GLDC: variants seen among roughly 807,000 people sequenced by gnomAD.
The protein encoded by GLDC is glycine dehydrogenase (decarboxylating), mitochondrial.
A neutral mutation model predicts 121.3 loss-of-function variants in GLDC; 104 were observed. The observed-to-expected ratio is 0.86, with a 90% CI of 0.73 to 1.01. GLDC has a LOEUF of 1.01. Among genes scored for constraint, GLDC ranks in the 50% least tolerant of loss-of-function variants. The pLI is 0.00. For missense variants in GLDC, 1,429 were observed against 1,306.6 expected (o/e 1.09, Z -1.44); for synonymous variants, 546 against 480.6 (o/e 1.14, Z -1.78).
intron 24 of GLDC, among the ~76,000 whole-genome samples, chr9:6,534,409 T>A (rs748389900): frequency 3.3e-5 from 5 of 149,974 alleles, no homozygotes; most frequent in African/African-American, 1.3e-4. Context: ...GAAAGGAAGG[T>A]TGCACTGGGC....
intron 4 of GLDC, among the ~76,000 whole-genome samples, chr9:6,608,026 G>C (rs1207345023): frequency 1.3e-5 from 2 of 151,982 alleles, no homozygotes; most frequent in Non-Finnish European, 2.9e-5. Flanking sequence ...GGGGGGATGA[G>C]GCAAGAGGAT....
intron 10 of GLDC, 112 bp downstream of exon 10, chr9:6,592,739 G>C: frequency 1.0e-6 from 1 of 960,530 alleles, no homozygotes; most frequent in Non-Finnish European, 1.6e-6. Flanking sequence ...GAAAAAATAG[G>C]ACTGTGCCTA....
At chr9:6,585,796 T>A (rs997015437) in intron 15 of GLDC, among the ~76,000 whole-genome samples, 1 of 152,286 alleles carries the variant, frequency 6.6e-6, no homozygotes, top group African/African-American at 2.4e-5. Context: ...TAAACTCACA[T>A]ACCGATAACA....
Position 6,584,595 on chromosome 9 carries a change from C to G in GLDC, c.1850+2546G>C, listed in dbSNP as rs113104362. On this transcript the variant is annotated intron_variant, in intron 15 of 24. Transcript: ENST00000321612. ...TATGTGGTGTATCCCTTCCTTTTTTCTGCGAATTAAGACATCAAATTGCTT... is the reference window on the plus strand; with the variant it reads ...TATGTGGTGTATCCCTTCCTTTTTTGTGCGAATTAAGACATCAAATTGCTT... 7.6e-3 allele frequency among the ~76,000 whole-genome samples: 1,162 copies of G among 152,244 alleles called. 6 individuals are homozygous for G. The highest frequency in any genetic ancestry group is 0.017 in the Middle Eastern group (5 of 294).
intron 3 of GLDC, among the ~76,000 whole-genome samples, chr9:6,612,688 C>T (rs2129925579): frequency 6.6e-6 from 1 of 152,140 alleles, no homozygotes; most frequent in African/African-American, 2.4e-5. Flanking sequence ...ATGGTGAAAC[C>T]CCGTCTCTAC....
Position 6,558,703 on chromosome 9 carries a change from G to C in GLDC, c.1927-19C>G. ...GGCAAACCTACAGAATAGAAAGGAA[G>C]CAAAGAAAGAGCAAAATCATCATCA... On this transcript the variant is annotated intron_variant, in intron 16 of 24. Transcript: ENST00000321612. The C allele has an allele frequency of 6.2e-7, 1 of 1,614,086 alleles. No individual in the cohort carries two copies. The highest frequency in any genetic ancestry group is 8.5e-7 in the Non-Finnish European group (1 of 1,179,928).
intron 21 of GLDC, 57 bp downstream of exon 21, chr9:6,550,746 A>G: frequency 1.8e-6 from 2 of 1,091,116 alleles, no homozygotes; most frequent in Non-Finnish European, 2.8e-6. Flanking sequence ...ATCTAGGTCA[A>G]ACTTAGTTTG....
intron 2 of GLDC, among the ~76,000 whole-genome samples, chr9:6,620,640 C>T (rs146712324): frequency 1.2e-3 from 189 of 152,268 alleles, no homozygotes; most frequent in African/African-American, 4.4e-3. Flanking sequence ...TCTATTTCTG[C>T]TGTATATACG....
At chr9:6,571,114 G>A (rs1817957849) in intron 15 of GLDC, among the ~76,000 whole-genome samples, 1 of 151,664 alleles carries the variant, frequency 6.6e-6, no homozygotes. Context: ...ATAGACACAA[G>A]CAAGATTATT....
At chr9:6,623,453 C>T (rs900502047) in intron 2 of GLDC, among the ~76,000 whole-genome samples, 5 of 149,646 alleles carry the variant, frequency 3.3e-5, no homozygotes, top group Non-Finnish European at 3.0e-5. Flanking sequence ...TCCGTAATCT[C>T]AAGTACCCAG....
At chr9:6,618,021 T>C (rs956176782) in intron 3 of GLDC, among the ~76,000 whole-genome samples, 1 of 152,224 alleles carries the variant, frequency 6.6e-6, no homozygotes, top group African/African-American at 2.4e-5. Context: ...TCTGTCCTCA[T>C]GTCATGATGA....
chr9:6,629,939 A>ATG (rs1411576430), intron 2 of GLDC, among the ~76,000 whole-genome samples: 6 of 78,192 alleles, frequency 7.7e-5, no homozygotes, highest in Admixed American at 1.3e-4. Context: ...CTATATATAT[A>ATG]TATATGTATA....
At chr9:6,621,892 T>C (rs2129954614) in intron 2 of GLDC, among the ~76,000 whole-genome samples, 1 of 152,294 alleles carries the variant, frequency 6.6e-6, no homozygotes, top group South Asian at 2.1e-4. Flanking sequence ...TAGATCATGC[T>C]ACTAAAATTT....
Position 6,637,108 on chromosome 9 carries a change from C to T in GLDC, c.334+7506G>A, listed in dbSNP as rs181949785. 5.8e-4 allele frequency among the ~76,000 whole-genome samples: 87 copies of T among 150,278 alleles called. No individual in the cohort carries two copies. In the Middle Eastern group the frequency reaches 0.014, roughly 24 times the overall value. ...GTTTGTTTTTTTTTTTAAAAAAGTC[C>T]GGGCACAATGGCTCACGCCTGTAAT... On this transcript the variant is annotated intron_variant, in intron 2 of 24. Transcript: ENST00000321612.
At chr9:6,629,759 C>T (rs550501892) in intron 2 of GLDC, among the ~76,000 whole-genome samples, 2 of 150,486 alleles carry the variant, frequency 1.3e-5, no homozygotes, top group East Asian at 3.9e-4. Context: ...AATGCTATAC[C>T]TAAAGTTTTA....
intron 16 of GLDC, 94 bp from the exon 17 acceptor site, chr9:6,558,778 T>C (rs1817687177): frequency 7.8e-7 from 1 of 1,279,192 alleles, no homozygotes; most frequent in African/African-American, 1.5e-5. Flanking sequence ...TAGCACAAAT[T>C]AGACACCACC....
At chr9:6,621,869 C>G (rs955821263) in intron 2 of GLDC, among the ~76,000 whole-genome samples, 1 of 152,166 alleles carries the variant, frequency 6.6e-6, no homozygotes, top group Admixed American at 6.5e-5. Flanking sequence ...TTCTTTACCT[C>G]TCTGCATAGA....
At chr9:6,544,133 G>C (rs1817334600) in intron 21 of GLDC, among the ~76,000 whole-genome samples, 1 of 152,188 alleles carries the variant, frequency 6.6e-6, no homozygotes, top group Admixed American at 6.5e-5. Flanking sequence ...AGCTCTGCTG[G>C]GCAATCAATG....
Position 6,553,299 on chromosome 9 carries a change from GT to G in GLDC, c.2457+68del, listed in dbSNP as rs924491124. 2.6e-5 allele frequency: 36 copies of G among 1,372,054 alleles called. No individual in the cohort carries two copies. In the African/African-American group the frequency reaches 4.8e-4, roughly 18 times the overall value. The allele number at this position is 1,372,054 out of a possible 1,614,324, so 85.0% of individuals were successfully genotyped here. A position where few individuals can be genotyped will look rare whatever the true frequency, so the allele number is the denominator to read the frequency against. ...TTGTTTTTAAGCCAAGAAGTCTGCA[GT>G]ATCCGGTCCCCATGCATGCCTGACG... On this transcript the variant is annotated intron_variant, in intron 20 of 24. Coordinates refer to ENST00000321612, the MANE Select transcript of GLDC (RefSeq NM_000170.3).
Sources: allele counts gnomAD v4.1 joint callset (sites outside exome capture counted in the v4.1 genomes callset), GRCh38; gene constraint gnomAD v4.1.1; transcripts MANE v1.5; gene names NCBI Gene and HGNC (gene_info 2026-07-23, HGNC 2026-07-21).